Variants in DBF4 observed in about 807,000 individuals in gnomAD.
The protein encoded by DBF4 is DBF4-CDC7 kinase regulatory subunit.
DBF4 carries 25 observed loss-of-function variants against 76.6 expected under a neutral mutation model. The ratio of observed to expected loss-of-function variants is 0.33; its 90% CI spans 0.24 to 0.46. The LOEUF is 0.46. DBF4 is among the 20% of genes least tolerant of loss of function. DBF4 has a pLI of 1.00. For missense variants in DBF4, 638 were observed against 760.8 expected (o/e 0.84, Z 1.90); for synonymous variants, 213 against 258.0 (o/e 0.83, Z 1.67).
At position 87,896,462 on chromosome 7, in the gene DBF4, A is replaced by AT. The variant is rs772608020; in HGVS notation, c.598-3dup. 2.4e-3 allele frequency: 3,651 copies of AT among 1,526,896 alleles called. 5 individuals carry two copies. The highest frequency in any genetic ancestry group is 2.9e-3 in the Non-Finnish European group (3,175 of 1,113,758). The allele number at this position is 1,526,896 out of a possible 1,614,324, so 94.6% of individuals were successfully genotyped here. ...TTCAAAGCCAATCTTTTCACTATAT[A>AT]TTTTTTTTTAGGGCAAAAGAGTTGG... On this transcript the variant is annotated splice_polypyrimidine_tract_variant and intron_variant, in intron 6 of 11. Transcript: ENST00000265728.
chr7:87,883,229 C>T (rs937834443), intron 2 of DBF4, among the ~76,000 whole-genome samples: 9 of 151,584 alleles, frequency 5.9e-5, no homozygotes, highest in Non-Finnish European at 1.3e-4. Context: ...TAGCCAATTT[C>T]AGAGATGGAA....
chr7:87,889,771 T>G (rs1226594902), intron 6 of DBF4, among the ~76,000 whole-genome samples: 1 of 152,196 alleles, frequency 6.6e-6, no homozygotes, highest in Non-Finnish European at 1.5e-5. Flanking sequence ...TTTGGAAAAC[T>G]GGTCAGAAGT....
At chr7:87,894,496 G>A (rs1839580518) in intron 6 of DBF4, among the ~76,000 whole-genome samples, 1 of 152,196 alleles carries the variant, frequency 6.6e-6, no homozygotes, top group African/African-American at 2.4e-5. Context: ...AAAGCGACAG[G>A]AGGAAAATAG....
At chr7:87,878,774 T>A (rs1335937988) in intron 2 of DBF4, among the ~76,000 whole-genome samples, 2 of 152,208 alleles carry the variant, frequency 1.3e-5, no homozygotes, top group East Asian at 3.9e-4. Context: ...GGCAAAATTC[T>A]AGGACCTTAA....
At position 87,903,398 on chromosome 7, in the gene DBF4, A is replaced by G. The variant is rs529245084; in HGVS notation, c.925-894A>G. ...CCAGTGGTTTTGACTGCTCTTAAGA[A>G]TGAGAATAACTTCTGTATACTCTGT... On this transcript the variant is annotated intron_variant, in intron 10 of 11. Transcript: ENST00000265728. Among the ~76,000 whole-genome samples, 143 of 152,310 alleles carry G rather than the reference A, an allele frequency of 9.4e-4. 2 individuals carry two copies. Among genetic ancestry groups the G allele is most frequent in the African/African-American group, 3.4e-3 (140 of 41,572 alleles).
chr7:87,878,768 A>C (rs756480007), intron 2 of DBF4, among the ~76,000 whole-genome samples: 2 of 152,190 alleles, frequency 1.3e-5, no homozygotes, highest in Non-Finnish European at 2.9e-5. Context: ...AACTCAGGCA[A>C]AATTCTAGGA....
At position 87,896,436 on chromosome 7, in the gene DBF4, T is replaced by C. The variant is rs749119659; in HGVS notation, c.598-38T>C. On this transcript the variant is annotated intron_variant, in intron 6 of 11. Coordinates refer to ENST00000265728, the MANE Select transcript of DBF4 (RefSeq NM_006716.4). ...ATTGCAGTTGCTGTTTTAACTGTAC[T>C]TTCAAAGCCAATCTTTTCACTATAT... 5.7e-6 allele frequency: 9 copies of C among 1,592,574 alleles called. No individual in the cohort carries two copies. In the African/African-American group the frequency reaches 1.2e-4, roughly 21 times the overall value.
chr7:87,886,141 G>A (rs773880547), intron 3 of DBF4, among the ~76,000 whole-genome samples: 5 of 152,102 alleles, frequency 3.3e-5, no homozygotes. Flanking sequence ...CATTCTCTGA[G>A]TTAATGCTTT....
intron 3 of DBF4, 123 bp from the exon 4 acceptor site, chr7:87,886,720 GT>G: frequency 1.6e-6 from 1 of 635,160 alleles, no homozygotes; most frequent in Non-Finnish European, 2.8e-6. Context: ...AACCAAAGAG[GT>G]CACCCAAAAA....
At position 87,876,605 on chromosome 7, in the gene DBF4, G is replaced by T. The variant is rs534690849; in HGVS notation, c.-128G>T. 2 of 1,060,866 alleles carry T rather than the reference G, an allele frequency of 1.9e-6. No homozygotes were observed. The highest frequency in any genetic ancestry group is 1.6e-5 in the African/African-American group (1 of 64,156). The allele number at this position is 1,060,866 out of a possible 1,614,324, so 65.7% of individuals were successfully genotyped here. On this transcript the variant is annotated 5_prime_UTR_variant, in exon 1 of 12. Transcript: ENST00000265728. Reference sequence around the variant, plus strand: ...CCTGCAGACGCGGTACCTCTACTGCGTAGAGGCCGTAGCTGGCGGAAGGAG... The same window carrying T: ...CCTGCAGACGCGGTACCTCTACTGCTTAGAGGCCGTAGCTGGCGGAAGGAG...
chr7:87,878,207 C>T lies in DBF4; in HGVS notation c.201C>T (p.Asp67=), dbSNP rs1404000122. Residue 67 remains aspartate (D), a synonymous_variant, in exon 2 of 12, where the codon GAC becomes GAT. Coordinates refer to ENST00000265728, the MANE Select transcript of DBF4 (RefSeq NM_006716.4). ...CCATATCTGAAAAACTTCAAAAGGA[C>T]ATTAAGGATCTGGGAGGGGTAAGTG... ...SVTISEKLQK[D]IKDLGGRVEE... 1.6e-5 allele frequency: 25 copies of T among 1,610,714 alleles called. No homozygotes were observed. The highest frequency in any genetic ancestry group is 2.0e-5 in the Non-Finnish European group (24 of 1,178,810).
chr7:87,887,031 A>G, intron 4 of DBF4, 137 bp downstream of exon 4: 1 of 652,664 alleles, frequency 1.5e-6, no homozygotes, highest in South Asian at 2.2e-5. Flanking sequence ...TTATTTTACA[A>G]AGTAAAGAAC....
chr7:87,878,249 A>G, intron 2 of DBF4, 24 bp downstream of exon 2: 1 of 1,564,218 alleles, frequency 6.4e-7, no homozygotes, highest in Non-Finnish European at 8.6e-7. Flanking sequence ...GTACACTGGC[A>G]TAGAAGGAAA....
At chr7:87,894,357 G>A (rs972425378) in intron 6 of DBF4, among the ~76,000 whole-genome samples, 4 of 152,178 alleles carry the variant, frequency 2.6e-5, no homozygotes, top group Non-Finnish European at 1.5e-5. Context: ...CTGCTTAGGA[G>A]GCTGAGGTGG....
chr7:87,876,740 C>T lies in DBF4; in HGVS notation c.8C>T (p.Ser3Phe), dbSNP rs1839052404. The T allele has an allele frequency of 1.2e-6, 2 of 1,614,172 alleles. No individual in the cohort carries two copies. Among genetic ancestry groups the T allele is most frequent in the Non-Finnish European group, 1.7e-6 (2 of 1,180,034 alleles). Residue 3 changes from serine to phenylalanine, a missense_variant, in exon 1 of 12, where the codon TCC becomes TTC. Transcript: ENST00000265728. ...AGGTGCCGGGCGACTGCCATGAACT[C>T]CGGAGCCATGAGGATCCACAGTAAA... MN[S>F]GAMRIHSKGH...
At chr7:87,884,843 G>A (rs935207709) in intron 2 of DBF4, 136 bp from the exon 3 acceptor site, 10 of 591,436 alleles carry the variant, frequency 1.7e-5, no homozygotes, top group African/African-American at 1.1e-4. Flanking sequence ...AGGCCAAGGC[G>A]GGAGGATCAC....
At chr7:87,901,093 T>C (rs1839774487) in intron 10 of DBF4, among the ~76,000 whole-genome samples, 1 of 152,142 alleles carries the variant, frequency 6.6e-6, no homozygotes, top group South Asian at 2.1e-4. Flanking sequence ...ACAGACTTAA[T>C]TTTTTACCGT....
At position 87,876,592 on chromosome 7, in the gene DBF4, G is replaced by A; in HGVS notation, c.-141G>A. The A allele has an allele frequency of 1.1e-6, 1 of 915,604 alleles. No individual in the cohort carries two copies. The highest frequency in any genetic ancestry group is 1.7e-6 in the Non-Finnish European group (1 of 587,962). 56.7% of individuals were successfully genotyped at this position (915,604 alleles called of 1,614,324 possible). On this transcript the variant is annotated 5_prime_UTR_variant, in exon 1 of 12. Coordinates refer to ENST00000265728, the MANE Select transcript of DBF4 (RefSeq NM_006716.4). ...CCCGGAAACCCGACCTGCAGACGCG[G>A]TACCTCTACTGCGTAGAGGCCGTAG...
rs548154185 is a variant in DBF4 at position 87,898,907 on chromosome 7, C to T, written c.681-1314C>T. 1.4e-4 allele frequency among the ~76,000 whole-genome samples: 21 copies of T among 151,508 alleles called. No individual in the cohort carries two copies. The South Asian group carries it at 3.1e-3, about 23-fold the overall frequency. Reference sequence around the variant, plus strand: ...TGGCATTGGAATAAAGACATATAAACGAATGGAATAGAATAGAGAGCCTAG... The same window carrying T: ...TGGCATTGGAATAAAGACATATAAATGAATGGAATAGAATAGAGAGCCTAG... On this transcript the variant is annotated intron_variant, in intron 8 of 11. Coordinates refer to ENST00000265728, the MANE Select transcript of DBF4 (RefSeq NM_006716.4).
Sources: gnomAD v4.1 joint callset for allele counts (sites outside exome capture counted in the v4.1 genomes callset) on GRCh38, gnomAD v4.1.1 for gene constraint, MANE v1.5 for transcripts, NCBI Gene and HGNC (gene_info 2026-07-23, HGNC 2026-07-21) for gene names.